The following XPO4 variants were observed in gnomAD, a reference collection of about 807,000 sequenced individuals.
The protein encoded by XPO4 is exportin-4.
In XPO4, 39 loss-of-function variants were observed where a neutral mutation model predicts 143.0. That is an observed-to-expected ratio of 0.27 (90% CI 0.21 to 0.36). XPO4 has a LOEUF of 0.36. Ranked by LOEUF, XPO4 falls within the 10% of genes least tolerant of loss-of-function variation. The probability of loss-of-function intolerance (pLI) is 1.00; values close to 1 mark genes in which losing one functional copy is unlikely to be tolerated. For synonymous variants in XPO4, 439 were observed against 474.0 expected, an observed-to-expected ratio of 0.93 and a Z score of 0.96; for missense variants, 907 against 1,348.0, an observed-to-expected ratio of 0.67 and a Z score of 5.12.
At chr13:20,851,711 C>CAAAAAAAAAAAA (rs11340357) in intron 4 of XPO4, 11 of 681,844 alleles carry the variant, frequency 1.6e-5, no homozygotes, top group African/African-American at 1.1e-4. Context: ...CCCGGTCTCA[C>CAAAAAAAAAAAA]AAAAAAAAAA....
intron 1 of XPO4, among the ~76,000 whole-genome samples, chr13:20,875,702 TA>T (rs1240144422): frequency 1.3e-5 from 2 of 152,142 alleles, no homozygotes; most frequent in Non-Finnish European, 2.9e-5. Context: ...AAAACCCCTT[TA>T]CACAATCTCA....
intron 9 of XPO4, among the ~76,000 whole-genome samples, chr13:20,815,911 T>A (rs963568038): frequency 6.6e-6 from 1 of 152,172 alleles, no homozygotes; most frequent in Non-Finnish European, 1.5e-5. Flanking sequence ...TAGACTCACT[T>A]GGCAGAAATA....
intron 1 of XPO4, among the ~76,000 whole-genome samples, chr13:20,886,980 G>T (rs1300825629): frequency 1.3e-5 from 2 of 152,008 alleles, no homozygotes; most frequent in African/African-American, 4.8e-5. Flanking sequence ...GGCTGAGGCA[G>T]AATTGCTTGA....
chr13:20,825,554 C>A (rs559049491), intron 7 of XPO4, among the ~76,000 whole-genome samples: 1 of 152,182 alleles, frequency 6.6e-6, no homozygotes, highest in Admixed American at 6.5e-5. Flanking sequence ...TTGTTCACAG[C>A]TGACAGGAGC....
At chr13:20,886,904 T>C (rs2060466130) in intron 1 of XPO4, among the ~76,000 whole-genome samples, 1 of 151,976 alleles carries the variant, frequency 6.6e-6, no homozygotes, top group Non-Finnish European at 1.5e-5. Context: ...AGAAACCCTG[T>C]CTCTACTAAG....
rs1316924725 is a variant in XPO4 at position 20,855,749 on chromosome 13, G to A, written c.334C>T (p.Arg112Trp). Residue 112 changes from arginine to tryptophan, a missense_variant, in exon 4 of 23, where the codon CGG (arginine) becomes TGG (tryptophan). By Grantham distance (101) the Arg-to-Trp change is moderately radical (BLOSUM62 -3). Transcript: ENST00000255305. ...LQRPNLQKYV[R>W]EQILLAVAVI... ...GCTACTGCTAGTAGAATCTGTTCCC[G>A]AACATACTTTTGAAGGCTGTAAAAC... is the stretch of plus-strand genomic sequence containing the variant. 2 of 1,595,758 alleles carry A rather than the reference G, an allele frequency of 1.3e-6. No individual in the cohort carries two copies. Among genetic ancestry groups the A allele is most frequent in the African/African-American group, 2.7e-5 (2 of 73,928 alleles).
intron 3 of XPO4, chr13:20,856,927 C>T (rs767074569): frequency 1.2e-4 from 117 of 985,240 alleles, no homozygotes; most frequent in Non-Finnish European, 1.4e-4. Context: ...TACTGGTTCA[C>T]TAGCTCCCAG....
At position 20,809,965 on chromosome 13, in the gene XPO4, A is replaced by G; in HGVS notation, c.1176T>C (p.Leu392=). ...FGRSAALEEV[L]DKDDMVYMEA... ...CCATGTATACCATGTCATCTTTATCAAGCTAAAAGAAAAGAACACTCATAA... is the reference window on the plus strand; with the variant it reads ...CCATGTATACCATGTCATCTTTATCGAGCTAAAAGAAAAGAACACTCATAA... Residue 392 remains leucine (L), a splice_region_variant and synonymous_variant, in exon 10 of 23, where the codon CTT becomes CTC. Coordinates refer to ENST00000255305, the MANE Select transcript of XPO4 (RefSeq NM_022459.5). The G allele has an allele frequency of 1.3e-6, 2 of 1,599,328 alleles. No homozygotes were observed. Among genetic ancestry groups the G allele is most frequent in the Non-Finnish European group, 1.7e-6 (2 of 1,173,732 alleles).
chr13:20,898,833 G>C (rs2060593106), intron 1 of XPO4, among the ~76,000 whole-genome samples: 2 of 152,098 alleles, frequency 1.3e-5, no homozygotes, highest in Non-Finnish European at 2.9e-5. Context: ...CTACATTTTA[G>C]TATACAAGAG....
rs556390667 is a variant in XPO4 at position 20,874,611 on chromosome 13, T to C, written c.70-5910A>G. On this transcript the variant is annotated intron_variant, in intron 1 of 22. Coordinates refer to ENST00000255305, the MANE Select transcript of XPO4 (RefSeq NM_022459.5). ...CTTGCTCATGGCTCACTTGTCCTTC[T>C]GCAACAGGATAACACGGCTAGAAGG... 7.9e-5 allele frequency among the ~76,000 whole-genome samples: 12 copies of C among 152,306 alleles called. No individual in the cohort carries two copies. In the South Asian group the frequency reaches 2.5e-3, roughly 32 times the overall value.
intron 4 of XPO4, chr13:20,850,825 G>A (rs2138085365): frequency 1.0e-6 from 1 of 985,422 alleles, no homozygotes; most frequent in South Asian, 4.7e-5. Context: ...GGAAAAGCCA[G>A]ACTACATACA....
intron 1 of XPO4, among the ~76,000 whole-genome samples, chr13:20,899,657 A>G (rs575186439): frequency 6.6e-6 from 1 of 152,320 alleles, no homozygotes; most frequent in African/African-American, 2.4e-5. Context: ...TTCTGTACCA[A>G]AAGATCTAAG....
chr13:20,852,514 C>A (rs974777449), intron 4 of XPO4: 1 of 985,200 alleles, frequency 1.0e-6, no homozygotes. Context: ...GACAAGATTA[C>A]CATTATACAA....
chr13:20,866,264 C>T, intron 2 of XPO4: 1 of 983,254 alleles, frequency 1.0e-6, no homozygotes, highest in Non-Finnish European at 1.2e-6. Flanking sequence ...CAGAAAAGAG[C>T]AAAGAAAATA....
In XPO4 at chr13:20,862,781, A is replaced by G; in HGVS notation, c.253T>C (p.Leu85=). 7 of 1,614,204 alleles carry G rather than the reference A, an allele frequency of 4.3e-6. No homozygotes were observed. The highest frequency in any genetic ancestry group is 5.9e-6 in the Non-Finnish European group (7 of 1,180,014). Residue 85 remains leucine, a synonymous_variant, in exon 3 of 23, where the codon TTG becomes CTG. Coordinates refer to ENST00000255305, the MANE Select transcript of XPO4 (RefSeq NM_022459.5). ...AGAGACTCGATGCTACCTTTTTCCA[A>G]GAGAATCCACTCTCGGACAACTGCT... The part of the protein sequence containing the change: ...MEAVVREWIL[L]EKGSIESLRT...
At chr13:20,888,265 T>C (rs1456473143) in intron 1 of XPO4, among the ~76,000 whole-genome samples, 2 of 151,720 alleles carry the variant, frequency 1.3e-5, no homozygotes, top group African/African-American at 4.8e-5. Flanking sequence ...AAATCAACCC[T>C]ATTACATTAC....
At chr13:20,852,559 T>C in intron 4 of XPO4, 1 of 984,242 alleles carries the variant, frequency 1.0e-6, no homozygotes, top group Non-Finnish European at 1.2e-6. Flanking sequence ...CAGCATCTCA[T>C]GAACAAATCT....
At chr13:20,829,769 G>GTACACTA (rs1207111326) in intron 6 of XPO4, among the ~76,000 whole-genome samples, 1 of 152,120 alleles carries the variant, frequency 6.6e-6, no homozygotes, top group African/African-American at 2.4e-5. Flanking sequence ...AGCAAGGGGG[G>GTACACTA]CAACAGTGTG....
At chr13:20,860,548 A>G (rs1040560953) in intron 3 of XPO4, among the ~76,000 whole-genome samples, 3 of 152,230 alleles carry the variant, frequency 2.0e-5, no homozygotes, top group Non-Finnish European at 4.4e-5. Context: ...GCAAAACAAC[A>G]AACAAAATAA....
Sources: gnomAD v4.1 joint callset for allele counts (sites outside exome capture counted in the v4.1 genomes callset) on GRCh38, gnomAD v4.1.1 for gene constraint, MANE v1.5 for transcripts, NCBI Gene and HGNC (gene_info 2026-07-23, HGNC 2026-07-21) for gene names.